The following CFAP206 variants were observed in gnomAD, a reference collection of about 807,000 sequenced individuals.
CFAP206 encodes the protein cilia and flagella associated protein 206.
CFAP206 carries 53 observed loss-of-function variants against 65.4 expected under a neutral mutation model. The ratio of observed to expected loss-of-function variants is 0.81; its 90% confidence interval spans 0.65 to 1.02. The LOEUF is 1.02. Ranked by LOEUF, CFAP206 falls within the 50% of genes least tolerant of loss-of-function variation. The pLI is 0.00. For synonymous variants in CFAP206, 250 were observed against 254.4 expected, an observed-to-expected ratio of 0.98 and a Z score of 0.17; for missense variants, 663 against 753.2, an observed-to-expected ratio of 0.88 and a Z score of 1.40.
chr6:87,448,874 G>A (rs770779602), intron 11 of CFAP206, among the ~76,000 whole-genome samples: 13 of 152,058 alleles, frequency 8.5e-5, no homozygotes, highest in Non-Finnish European at 1.8e-4. Flanking sequence ...ATTCTATTGT[G>A]TAAATATACC....
chr6:87,422,559 G>A (rs1767960018), intron 7 of CFAP206, among the ~76,000 whole-genome samples: 1 of 151,734 alleles, frequency 6.6e-6, no homozygotes, highest in Non-Finnish European at 1.5e-5. Flanking sequence ...AGACCAGCCT[G>A]ACCAAGATGG....
chr6:87,408,000 G>T lies in CFAP206; in HGVS notation c.-95G>T. On this transcript the variant is annotated 5_prime_UTR_variant, in exon 1 of 13. Coordinates refer to ENST00000369562, the MANE Select transcript of CFAP206 (RefSeq NM_001031743.3). ...CCATCTCCATGGTTACGCGGCGGTG[G>T]CTGCGAGCGCCCAACTGCTCCGACC... 3.0e-6 allele frequency: 3 copies of T among 985,630 alleles called. No individual in the cohort carries two copies. Among genetic ancestry groups the T allele is most frequent in the Non-Finnish European group, 3.6e-6 (3 of 830,138 alleles). The allele number at this position is 985,630 out of a possible 1,614,324, so 61.1% of individuals were successfully genotyped here. A position where few individuals can be genotyped will look rare whatever the true frequency, so the allele number is the denominator to read the frequency against.
intron 11 of CFAP206, among the ~76,000 whole-genome samples, chr6:87,449,531 T>A (rs1291987675): frequency 2.0e-5 from 3 of 151,914 alleles, no homozygotes; most frequent in African/African-American, 7.3e-5. Flanking sequence ...GCATTTTAAC[T>A]GGAATGAGAT....
At chr6:87,439,530 T>C (rs1390796795) in intron 11 of CFAP206, among the ~76,000 whole-genome samples, 1 of 152,158 alleles carries the variant, frequency 6.6e-6, no homozygotes, top group Non-Finnish European at 1.5e-5. Context: ...TTCATTCTTT[T>C]TGTGGTGTCT....
chr6:87,462,502 A>C (rs955187192), intron 12 of CFAP206, among the ~76,000 whole-genome samples: 1 of 152,238 alleles, frequency 6.6e-6, no homozygotes. Flanking sequence ...CTAGCAAGTG[A>C]TACTGTTACA....
At chr6:87,455,105 A>G (rs185151649) in intron 11 of CFAP206, among the ~76,000 whole-genome samples, 5 of 151,722 alleles carry the variant, frequency 3.3e-5, no homozygotes, top group African/African-American at 1.2e-4. Context: ...GTATTTTTGT[A>G]GAGACTGGGT....
chr6:87,415,589 G>A, intron 4 of CFAP206, 97 bp from the exon 5 acceptor site: 3 of 1,080,652 alleles, frequency 2.8e-6, no homozygotes. Context: ...TTTTCCTGAA[G>A]TAGAATTGCC....
At chr6:87,451,514 C>G (rs1227313247) in intron 11 of CFAP206, among the ~76,000 whole-genome samples, 1 of 152,032 alleles carries the variant, frequency 6.6e-6, no homozygotes, top group African/African-American at 2.4e-5. Context: ...GAATAATTAT[C>G]AATGGTAGCC....
In CFAP206 at chr6:87,409,862, G is replaced by T. The variant is rs1473846442; in HGVS notation, c.23G>T (p.Ser8Ile). The T allele has an allele frequency of 1.2e-6, 2 of 1,612,352 alleles. No homozygotes were observed. The highest frequency in any genetic ancestry group is 1.7e-5 in the Admixed American group (1 of 59,686). MPPTQAE[S>I]VIRSIIREIG... ...AGAATGCCTCCAACTCAGGCCGAAA[G>T]TGTTATAAGGAGTATTATACGAGAA... The change falls in exon 2 of 13, where the codon AGT becomes ATT. Residue 8 changes from serine to isoleucine, a missense_variant. Physicochemically the swap from Ser to Ile is moderately radical, Grantham distance 142. Transcript: ENST00000369562.
chr6:87,446,531 C>A (rs547125689), intron 11 of CFAP206, among the ~76,000 whole-genome samples: 1 of 152,266 alleles, frequency 6.6e-6, no homozygotes, highest in East Asian at 1.9e-4. Context: ...TTTCTGAGTT[C>A]TCTATTCTGT....
At chr6:87,413,484 G>A (rs1207465356) in intron 3 of CFAP206, among the ~76,000 whole-genome samples, 3 of 152,106 alleles carry the variant, frequency 2.0e-5, no homozygotes, top group Admixed American at 2.0e-4. Flanking sequence ...AGAGGGGAGC[G>A]AGGGATAAGA....
intron 11 of CFAP206, among the ~76,000 whole-genome samples, chr6:87,454,263 A>G (rs998141657): frequency 6.6e-6 from 1 of 152,200 alleles, no homozygotes; most frequent in African/African-American, 2.4e-5. Flanking sequence ...TAAAGAGCGA[A>G]ATAGACCCCA....
At chr6:87,418,743 G>A (rs1245997529) in intron 7 of CFAP206, among the ~76,000 whole-genome samples, 1 of 152,166 alleles carries the variant, frequency 6.6e-6, no homozygotes, top group Non-Finnish European at 1.5e-5. Context: ...TTGTTTGGCA[G>A]GTAGTTGCCT....
intron 10 of CFAP206, among the ~76,000 whole-genome samples, chr6:87,431,653 C>T (rs1768160476): frequency 6.6e-6 from 1 of 152,166 alleles, no homozygotes; most frequent in African/African-American, 2.4e-5. Flanking sequence ...GTAGTCCCAG[C>T]TACTTGGGAG....
At chr6:87,429,377 G>A (rs1015715476) in intron 9 of CFAP206, among the ~76,000 whole-genome samples, 4 of 152,122 alleles carry the variant, frequency 2.6e-5, no homozygotes, top group Admixed American at 6.5e-5. Context: ...GTGCAGATGT[G>A]TTTCTATTGC....
chr6:87,454,855 A>C lies in CFAP206; in HGVS notation c.1495-6167A>C, dbSNP rs537560185. Among the ~76,000 whole-genome samples the C allele has an allele frequency of 8.4e-3, 1,266 of 150,470 alleles. 9 individuals are homozygous for C. Among genetic ancestry groups the C allele is most frequent in the Non-Finnish European group, 0.013 (862 of 67,646 alleles). On this transcript the variant is annotated intron_variant, in intron 11 of 12. Transcript: ENST00000369562. ...GTGAGACTCTGTCTCAAAAAAAAAA[A>C]AAAACAAAACAAAACAACAAAAAAC...
rs1346815519 is a variant in CFAP206 at position 87,416,815 on chromosome 6, G to C, written c.619G>C (p.Gly207Arg). ...FNRDCGKGGE[G>R]IDDLPAVLHV... The stretch of plus-strand genomic sequence containing the variant: ...CAGAGACTGTGGAAAAGGAGGAGAA[G>C]GCATTGATGATTGTAGGTATATCAT... The change falls in exon 6 of 13, where the codon GGC (glycine) becomes CGC (arginine). Residue 207 changes from glycine (G) to arginine (R), a missense_variant. By Grantham distance (125) the Gly-to-Arg change is moderately radical (BLOSUM62 -2). Transcript: ENST00000369562. 6.2e-7 allele frequency: 1 copy of C among 1,613,034 alleles called. No individual in the cohort carries two copies. Among genetic ancestry groups the C allele is most frequent in the South Asian group, 1.1e-5 (1 of 91,002 alleles).
chr6:87,441,782 C>T, intron 11 of CFAP206: 1 of 238,488 alleles, frequency 4.2e-6, no homozygotes. Context: ...GGTGTGGGCA[C>T]ACTTGGTGAG....
intron 9 of CFAP206, among the ~76,000 whole-genome samples, chr6:87,429,183 T>C (rs955118783): frequency 1.3e-5 from 2 of 149,702 alleles, no homozygotes; most frequent in African/African-American, 2.5e-5. Context: ...GCCAAGATTG[T>C]GCCATTGCAC....
Sources: allele counts gnomAD v4.1 joint callset (sites outside exome capture counted in the v4.1 genomes callset), GRCh38; gene constraint gnomAD v4.1.1; transcripts MANE v1.5; gene names NCBI Gene and HGNC (gene_info 2026-07-23, HGNC 2026-07-21).